ITGA9: variants seen among roughly 807,000 people sequenced by gnomAD.
ITGA9 encodes integrin subunit alpha 9, also known as integrin alpha-9.
Under a neutral mutation model 127.8 loss-of-function variants are expected in ITGA9, and 56 were observed. The ratio of observed to expected loss-of-function variants is 0.44; its 90% CI spans 0.35 to 0.55. The LOEUF is 0.55. ITGA9 is among the 20% of genes least tolerant of loss of function. The pLI is 0.00. For missense variants in ITGA9, 1,196 were observed against 1,347.1 expected (o/e 0.89, Z 1.76); for synonymous variants, 508 against 514.5 (o/e 0.99, Z 0.17).
chr3:37,744,055 C>A, intron 22 of ITGA9, 21 bp downstream of exon 22: 1 of 1,506,758 alleles, frequency 6.6e-7, no homozygotes, highest in East Asian at 2.3e-5. Context: ...CTGGAGACCT[C>A]CTCTGTCCGT....
At chr3:37,780,196 A>G (rs1696960269) in intron 25 of ITGA9, among the ~76,000 whole-genome samples, 175 bp downstream of exon 25, 1 of 152,166 alleles carries the variant, frequency 6.6e-6, no homozygotes, top group Non-Finnish European at 1.5e-5. Flanking sequence ...TTATGTATTT[A>G]GGGGGTACAA....
At chr3:37,816,603 G>A (rs544509508) in intron 27 of ITGA9, among the ~76,000 whole-genome samples, 1 of 152,322 alleles carries the variant, frequency 6.6e-6, no homozygotes, top group East Asian at 1.9e-4. Context: ...GTGCTGTGGG[G>A]ATGATGTCTA....
intron 23 of ITGA9, among the ~76,000 whole-genome samples, chr3:37,775,535 A>C (rs568281644): frequency 6.6e-6 from 1 of 151,808 alleles, no homozygotes; most frequent in South Asian, 2.1e-4. Context: ...TGTCCCAGCT[A>C]CTCGGGAGGC....
chr3:37,643,374 T>C (rs1700350147), intron 16 of ITGA9, among the ~76,000 whole-genome samples: 1 of 152,210 alleles, frequency 6.6e-6, no homozygotes, highest in African/African-American at 2.4e-5. Flanking sequence ...TCTGGCCTTA[T>C]CTGTCTGTCT....
chr3:37,560,255 T>A (rs910174454), intron 15 of ITGA9, among the ~76,000 whole-genome samples: 1 of 152,216 alleles, frequency 6.6e-6, no homozygotes, highest in Non-Finnish European at 1.5e-5. Context: ...TTCAGCTTCA[T>A]CCGTGTCCCT....
rs1005246926 is a variant in ITGA9 at position 37,814,020 on chromosome 3, A to T, written c.3010-4871A>T. 2.0e-5 allele frequency among the ~76,000 whole-genome samples: 3 copies of T among 152,254 alleles called. No homozygotes were observed. The highest frequency in any genetic ancestry group is 7.2e-5 in the African/African-American group (3 of 41,462). On this transcript the variant is annotated intron_variant, in intron 27 of 27. Coordinates refer to ENST00000264741, the MANE Select transcript of ITGA9 (RefSeq NM_002207.3). This position sits in a 1 kb window ranked among gnomAD's most constrained non-coding sequence, Gnocchi z 4.3. The stretch of plus-strand genomic sequence containing the variant: ...TTTCAAAAATTAACAGATTTTTAAA[A>T]ATTGAAAATTGAATTTTCAAAAAAT...
rs758946257 is a variant in ITGA9 at position 37,470,483 on chromosome 3, G to A, written c.186-524G>A. 4.3e-4 allele frequency among the ~76,000 whole-genome samples: 65 copies of A among 152,184 alleles called. 1 individual carries two copies. Among genetic ancestry groups the A allele is most frequent in the South Asian group, 6.2e-4 (3 of 4,814 alleles). The stretch of plus-strand genomic sequence containing the variant: ...CTTTTCATGCATTTATTGGCCATTT[G>A]GCTATCTTCTTTTGTGAAGTATCTA... On this transcript the variant is annotated intron_variant, in intron 1 of 27. Coordinates refer to ENST00000264741, the MANE Select transcript of ITGA9 (RefSeq NM_002207.3).
Position 37,464,632 on chromosome 3 carries a change from A to G in ITGA9, c.186-6375A>G, listed in dbSNP as rs140933265. ...GCAGTAGAGGCAGGACTTAAACCCT[A>G]TGTTACTGCCTGTGCTTCTTACACT... On this transcript the variant is annotated intron_variant, in intron 1 of 27. Transcript: ENST00000264741. Among the ~76,000 whole-genome samples the G allele has an allele frequency of 2.2e-4, 33 of 152,332 alleles. No individual in the cohort carries two copies. In the East Asian group the frequency reaches 6.2e-3, roughly 28 times the overall value.
chr3:37,717,012 G>A (rs1701142825), intron 18 of ITGA9, among the ~76,000 whole-genome samples: 2 of 152,196 alleles, frequency 1.3e-5, no homozygotes, highest in Admixed American at 6.5e-5. Flanking sequence ...TTTGATGTGT[G>A]CATGATCAGA....
chr3:37,771,798 C>T (rs1460516721), intron 23 of ITGA9, among the ~76,000 whole-genome samples: 2 of 152,000 alleles, frequency 1.3e-5, no homozygotes, highest in Non-Finnish European at 2.9e-5. Context: ...ATGGTCTAGG[C>T]AGGAGTCATT....
intron 10 of ITGA9, among the ~76,000 whole-genome samples, chr3:37,518,062 C>T (rs1699004655): frequency 7.3e-6 from 1 of 137,174 alleles, no homozygotes; most frequent in Admixed American, 7.7e-5. Context: ...CTGATTATAG[C>T]AGCAGCTAGA....
intron 15 of ITGA9, among the ~76,000 whole-genome samples, chr3:37,582,414 G>A (rs1351497193): frequency 1.3e-5 from 2 of 152,206 alleles, no homozygotes; most frequent in Non-Finnish European, 2.9e-5. Context: ...AATAGGGATT[G>A]ACTTTTAAGG....
In ITGA9 at chr3:37,533,399, C is replaced by T; in HGVS notation, c.1459C>T (p.Gln487Ter). 2 of 1,614,194 alleles carry T rather than the reference C, an allele frequency of 1.2e-6. No homozygotes were observed. The highest frequency in any genetic ancestry group is 1.7e-6 in the Non-Finnish European group (2 of 1,180,034). Residue 487 changes from glutamine (Q) to a stop codon, truncating the protein, a stop_gained, in exon 14 of 28, where the codon CAG becomes TAG. Coordinates refer to ENST00000264741, the MANE Select transcript of ITGA9 (RefSeq NM_002207.3). LOFTEE classifies it high-confidence loss of function. ...ITAPQCHDGQ[Q>*]PVNCLNVTTC... ...AGCGCCTCAGTGTCACGACGGACAG[C>T]AGCCTGTGAACTGCCTGAACGTCAC...
intron 18 of ITGA9, among the ~76,000 whole-genome samples, chr3:37,708,928 A>G (rs542005503): frequency 6.6e-6 from 1 of 152,368 alleles, no homozygotes; most frequent in African/African-American, 2.4e-5. Context: ...ACAGTGGTTA[A>G]GAGTAGGGTT....
intron 16 of ITGA9, among the ~76,000 whole-genome samples, chr3:37,637,793 C>T (rs1386403265): frequency 6.6e-6 from 1 of 152,186 alleles, no homozygotes; most frequent in African/African-American, 2.4e-5. Context: ...CTGCCTCAGC[C>T]TCCTGAGTAG....
intron 6 of ITGA9, among the ~76,000 whole-genome samples, chr3:37,504,473 A>G (rs543352676): frequency 6.6e-6 from 1 of 152,334 alleles, no homozygotes; most frequent in South Asian, 2.1e-4. Flanking sequence ...GAGAGCACCT[A>G]TCACTGGTAC....
At chr3:37,548,689 C>G (rs1344508530) in intron 15 of ITGA9, among the ~76,000 whole-genome samples, 1 of 152,156 alleles carries the variant, frequency 6.6e-6, no homozygotes, top group African/African-American at 2.4e-5. Context: ...TCCCCTAGAT[C>G]CATAGTATCC....
intron 1 of ITGA9, among the ~76,000 whole-genome samples, chr3:37,466,483 CAAA>C (rs60980366): frequency 2.7e-4 from 7 of 26,062 alleles, no homozygotes; most frequent in Middle Eastern, 0.042. Flanking sequence ...GACACCATCT[CAAA>C]AAAAAAAAAA....
intron 24 of ITGA9, among the ~76,000 whole-genome samples, chr3:37,778,872 G>GTTTTTTT (rs10583231): frequency 6.6e-5 from 7 of 106,256 alleles, no homozygotes; most frequent in Admixed American, 1.0e-4. Flanking sequence ...GAAAGGTTGG[G>GTTTTTTT]TTTTTTTTTT....
Sources: gnomAD v4.1 joint callset for allele counts (sites outside exome capture counted in the v4.1 genomes callset) on GRCh38, gnomAD v4.1.1 for gene constraint, Gnocchi (gnomAD v3.1) non-coding constraint, MANE v1.5 for transcripts, NCBI Gene and HGNC (gene_info 2026-07-23, HGNC 2026-07-21) for gene names.